ZNG1E: variants seen among roughly 807,000 people sequenced by gnomAD.
ZNG1E encodes Zn regulated GTPase metalloprotein activator 1E.
the ZNG1E span, among the ~76,000 whole-genome samples, chr9:65,700,076 G>T: frequency 1.1e-4 from 17 of 148,122 alleles, no homozygotes; most frequent in East Asian, 3.1e-3. Context: ...TAGCGGATTA[G>T]GAGTAAACTG....
the ZNG1E span, among the ~76,000 whole-genome samples, chr9:65,684,540 A>ACGCACACG: frequency 2.8e-5 from 4 of 141,822 alleles, no homozygotes; most frequent in South Asian, 4.6e-4. Flanking sequence ...GTATACACAC[A>ACGCACACG]CACACGCACG....
chr9:65,683,866 G>T, the ZNG1E span, among the ~76,000 whole-genome samples: 1 of 152,286 alleles, frequency 6.6e-6, no homozygotes, highest in Non-Finnish European at 1.5e-5. Flanking sequence ...ATAGGACTTG[G>T]ACTAATATGT....
At chr9:65,660,828 GATATATATATATATAT>G in the ZNG1E span, among the ~76,000 whole-genome samples, 5 of 130,304 alleles carry the variant, frequency 3.8e-5, no homozygotes, top group Non-Finnish European at 1.6e-5. Flanking sequence ...TGGTTATACA[GATATATATATATATAT>G]ATATATATAT....
At chr9:65,656,731 A>C in the ZNG1E span, among the ~76,000 whole-genome samples, 6 of 152,260 alleles carry the variant, frequency 3.9e-5, no homozygotes, top group East Asian at 3.9e-4. Flanking sequence ...GTGAAAATTT[A>C]TGGGAACATT....
At chr9:65,672,468 C>T in the ZNG1E span, among the ~76,000 whole-genome samples, 8 of 149,860 alleles carry the variant, frequency 5.3e-5, no homozygotes, top group Non-Finnish European at 8.9e-5. Flanking sequence ...AAAAAAAGCC[C>T]GGCACAGTGG....
the ZNG1E span, among the ~76,000 whole-genome samples, chr9:65,665,275 T>C: frequency 6.6e-6 from 1 of 152,274 alleles, no homozygotes; most frequent in Non-Finnish European, 1.5e-5. Context: ...TTTCGTGGGC[T>C]GGGCCCAGGG....
the ZNG1E span, among the ~76,000 whole-genome samples, chr9:65,693,663 T>A: frequency 6.6e-6 from 1 of 150,682 alleles, no homozygotes; most frequent in Non-Finnish European, 1.5e-5. Flanking sequence ...GTTCAAGCGA[T>A]TCCCTTGTCT....
At chr9:65,704,641 G>A in the ZNG1E span, 113 of 870,682 alleles carry the variant, frequency 1.3e-4, 5 homozygotes, top group East Asian at 8.3e-4. Context: ...GGCTGGGTGC[G>A]GTGGCTCATG....
chr9:65,664,284 C>T, the ZNG1E span, among the ~76,000 whole-genome samples: 1 of 151,140 alleles, frequency 6.6e-6, no homozygotes, highest in Non-Finnish European at 1.5e-5. Flanking sequence ...TTGGCTGTGT[C>T]CCCACCCAAA....
At chr9:65,673,778 C>G in the ZNG1E span, among the ~76,000 whole-genome samples, 2 of 152,298 alleles carry the variant, frequency 1.3e-5, no homozygotes, top group Non-Finnish European at 2.9e-5. Flanking sequence ...GCAATCCCTG[C>G]TGGGCGACAG....
the ZNG1E span, among the ~76,000 whole-genome samples, chr9:65,694,530 T>C: frequency 6.1e-4 from 93 of 152,112 alleles, no homozygotes; most frequent in African/African-American, 1.6e-3. Flanking sequence ...ATTAAATCAA[T>C]ATACCTACAC....
chr9:65,703,651 A>C, the ZNG1E span: 4 of 952,048 alleles, frequency 4.2e-6, no homozygotes, highest in East Asian at 1.2e-4. Context: ...AGACTCAGCA[A>C]CAGGCAGCCA....
the ZNG1E span, among the ~76,000 whole-genome samples, chr9:65,667,018 A>C: frequency 1.3e-5 from 2 of 152,190 alleles, no homozygotes; most frequent in African/African-American, 4.8e-5. Context: ...ACACGGTTTC[A>C]CCATGTCGGT....
the ZNG1E span, among the ~76,000 whole-genome samples, chr9:65,681,129 G>T: frequency 1.3e-5 from 2 of 151,572 alleles, no homozygotes; most frequent in African/African-American, 2.4e-5. Context: ...TACTCATTGG[G>T]AATATTCAGC....
the ZNG1E span, among the ~76,000 whole-genome samples, chr9:65,667,012 G>A: frequency 1.3e-5 from 2 of 152,128 alleles, no homozygotes; most frequent in Non-Finnish European, 2.9e-5. Flanking sequence ...GTAGGGACAC[G>A]GTTTCACCAT....
the ZNG1E span, among the ~76,000 whole-genome samples, chr9:65,672,324 G>A: frequency 2.8e-4 from 42 of 152,184 alleles, no homozygotes; most frequent in Non-Finnish European, 5.6e-4. Context: ...AGCTAAATGA[G>A]GAGGAATTTT....
chr9:65,675,661 T>C, the ZNG1E span: 6 of 534,764 alleles, frequency 1.1e-5, no homozygotes, highest in Non-Finnish European at 1.9e-5. Flanking sequence ...ATTAAGGCTC[T>C]AGGCGCCAGT....
the ZNG1E span, among the ~76,000 whole-genome samples, chr9:65,667,105 G>C: frequency 6.6e-6 from 1 of 152,268 alleles, no homozygotes; most frequent in African/African-American, 2.4e-5. Context: ...ACACATGTGA[G>C]CCACCGTACC....
the ZNG1E span, among the ~76,000 whole-genome samples, chr9:65,710,243 T>A: frequency 2.7e-5 from 4 of 147,042 alleles, no homozygotes; most frequent in Non-Finnish European, 4.4e-5. Context: ...CATTGTAGAT[T>A]CTGGATATTA....
Sources: allele counts gnomAD v4.1 joint callset (sites outside exome capture counted in the v4.1 genomes callset), GRCh38; gene constraint gnomAD v4.1.1; transcripts MANE v1.5; gene names NCBI Gene and HGNC (gene_info 2026-07-23, HGNC 2026-07-21).